KIAA1586: variants seen among roughly 807,000 people sequenced by gnomAD.
KIAA1586 encodes the protein E3 SUMO-protein ligase KIAA1586.
A neutral mutation model predicts 6.1 loss-of-function variants in KIAA1586; 5 were observed. The observed-to-expected ratio is 0.82, with a 90% CI of 0.43 to 1.73. The LOEUF (loss-of-function observed/expected upper bound fraction) is 1.73. Ranked by LOEUF, KIAA1586 falls within the 40% of genes most tolerant of loss-of-function variation. KIAA1586 has a pLI of 0.02. For missense variants in KIAA1586, 899 were observed against 878.2 expected (o/e 1.02, Z -0.30); for synonymous variants, 280 against 301.7 (o/e 0.93, Z 0.75).
chr6:57,054,993 T>C lies in KIAA1586; in HGVS notation c.*130T>C. ...ATGTTGCTGTTTAAAAGGCGTTCTT[T>C]AAGAAGATAATCTTGAAGATTGGTT... is the stretch of plus-strand genomic sequence containing the variant. On this transcript the variant is annotated 3_prime_UTR_variant, in exon 4 of 4. Transcript: ENST00000370733. 5 of 1,047,246 alleles carry C rather than the reference T, an allele frequency of 4.8e-6. No homozygotes were observed. The highest frequency in any genetic ancestry group is 6.7e-6 in the Non-Finnish European group (5 of 751,788). The allele number at this position is 1,047,246 out of a possible 1,614,324, so 64.9% of individuals were successfully genotyped here.
Position 57,054,294 on chromosome 6 carries a change from A to G in KIAA1586, c.1795A>G (p.Asn599Asp). Residue 599 changes from asparagine (N) to aspartate (D), a missense_variant, in exon 4 of 4, where the codon AAT becomes GAT. Physicochemically the swap from Asn to Asp is conservative, Grantham distance 23. Coordinates refer to ENST00000370733, the MANE Select transcript of KIAA1586 (RefSeq NM_020931.4). Reference protein sequence around the residue: ...DIPFNKNNKFNALPRSILLDN... With the variant: ...DIPFNKNNKFDALPRSILLDN... Reference sequence around the variant, plus strand: ...TCCATTTAATAAAAACAATAAATTTAATGCTCTTCCTAGGAGTATATTACT... The same window carrying G: ...TCCATTTAATAAAAACAATAAATTTGATGCTCTTCCTAGGAGTATATTACT... 1 of 1,580,402 alleles carries G rather than the reference A, an allele frequency of 6.3e-7. No homozygotes were observed.
At chr6:57,050,677 C>A (rs559969762) in intron 2 of KIAA1586, 97 bp from the exon 3 acceptor site, 2 of 825,694 alleles carry the variant, frequency 2.4e-6, no homozygotes, top group East Asian at 2.5e-5. Context: ...GAGAATCTTT[C>A]CCAATTCCAA....
At chr6:57,058,364 G>A (rs1391251359), downstream of KIAA1586, among the ~76,000 whole-genome samples, 1 of 152,086 alleles carries the variant, frequency 6.6e-6, no homozygotes, top group African/African-American at 2.4e-5. Context: ...TTGTATAAGT[G>A]CACATGGTAC....
the KIAA1586 span, among the ~76,000 whole-genome samples, chr6:57,066,785 T>G: frequency 2.6e-5 from 4 of 152,182 alleles, no homozygotes; most frequent in African/African-American, 9.7e-5. Flanking sequence ...AGTGGCACCT[T>G]ACCTCCATCA....
Position 57,053,271 on chromosome 6 carries a change from AAACAT to A in KIAA1586, c.777_781del (p.His259GlnfsTer5), listed in dbSNP as rs780462692. 14 of 1,607,044 alleles carry A rather than the reference AAACAT, an allele frequency of 8.7e-6. No individual in the cohort carries two copies. In the South Asian group the frequency reaches 1.6e-4, roughly 18 times the overall value. On this transcript the variant is annotated frameshift_variant, in exon 4 of 4. Coordinates refer to ENST00000370733, the MANE Select transcript of KIAA1586 (RefSeq NM_020931.4). LOFTEE classifies it low-confidence loss of function (END_TRUNC). ...TTTCAATACTGTTTACAGTTTAGTA[AAACAT>A]AACAGACCTTTATCTGATATTGAGG...
In KIAA1586 at chr6:57,053,594, A is replaced by G; in HGVS notation, c.1095A>G (p.Thr365=). The G allele has an allele frequency of 6.2e-7, 1 of 1,606,688 alleles. No individual in the cohort carries two copies. Among genetic ancestry groups the G allele is most frequent in the Non-Finnish European group, 8.5e-7 (1 of 1,174,148 alleles). ...CTATAGCAGAGTGTATTGTCAATAC[A>G]TTATTGACTACTTTAAATGATTGTG... ...VSTIAECIVN[T]LLTTLNDCGF... Residue 365 remains threonine (T), a synonymous_variant, in exon 4 of 4, where the codon ACA becomes ACG. Transcript: ENST00000370733.
chr6:57,057,206 C>G (rs559727839), downstream of KIAA1586, among the ~76,000 whole-genome samples: 1 of 149,056 alleles, frequency 6.7e-6, no homozygotes, highest in Non-Finnish European at 1.5e-5. Context: ...CCAGCCTGGG[C>G]GACAGAGCGA....
chr6:57,058,830 AG>A (rs532033818), downstream of KIAA1586, among the ~76,000 whole-genome samples: 9 of 152,242 alleles, frequency 5.9e-5, no homozygotes, highest in Non-Finnish European at 1.3e-4. Flanking sequence ...GATTAAATTT[AG>A]GGTTGCTTTT....
At chr6:57,049,714 T>C (rs1013189102) in intron 2 of KIAA1586, among the ~76,000 whole-genome samples, 2 of 152,222 alleles carry the variant, frequency 1.3e-5, no homozygotes, top group Admixed American at 6.5e-5. Context: ...TCTTCCCACA[T>C]GCTCTCTTAT....
At chr6:57,060,152 A>G (rs1031053175), downstream of KIAA1586, among the ~76,000 whole-genome samples, 1 of 152,206 alleles carries the variant, frequency 6.6e-6, no homozygotes, top group Non-Finnish European at 1.5e-5. Context: ...AATCTTGTAT[A>G]GCAAATCTAG....
the KIAA1586 span, among the ~76,000 whole-genome samples, chr6:57,061,645 C>T: frequency 1.3e-5 from 2 of 152,076 alleles, no homozygotes; most frequent in South Asian, 4.2e-4. Context: ...CTGCCTCAGC[C>T]TCCCAAAATG....
At chr6:57,061,248 T>A in the KIAA1586 span, among the ~76,000 whole-genome samples, 3 of 152,162 alleles carry the variant, frequency 2.0e-5, no homozygotes, top group African/African-American at 7.2e-5. Flanking sequence ...AGTGCTGGGA[T>A]TACAGGCATG....
At chr6:57,056,542 GTT>G (rs70989753), downstream of KIAA1586, among the ~76,000 whole-genome samples, 2 of 140,906 alleles carry the variant, frequency 1.4e-5, no homozygotes, top group East Asian at 2.1e-4. Context: ...AAGAATTAGG[GTT>G]TTTTTTTTTT....
At chr6:57,065,757 AATACCTGT>A in the KIAA1586 span, among the ~76,000 whole-genome samples, 2 of 152,076 alleles carry the variant, frequency 1.3e-5, no homozygotes, top group Non-Finnish European at 2.9e-5. Context: ...TTTCGAACTG[AATACCTGT>A]ATTCTTCAAT....
chr6:57,051,487 C>G lies in KIAA1586; in HGVS notation c.186+633C>G, dbSNP rs547601440. Among the ~76,000 whole-genome samples the G allele has an allele frequency of 2.8e-4, 43 of 151,688 alleles. 1 individual carries two copies. Among genetic ancestry groups the G allele is most frequent in the African/African-American group, 1.0e-3 (43 of 41,036 alleles). On this transcript the variant is annotated intron_variant, in intron 3 of 3. Transcript: ENST00000370733. The stretch of plus-strand genomic sequence containing the variant: ...TGATAGAACATTACCCCATTGTAAT[C>G]AGTAAAATACAAACTAGAATTTGAT...
At position 57,054,927 on chromosome 6, in the gene KIAA1586, G is replaced by T. The variant is rs1828469332; in HGVS notation, c.*64G>T. ...CTACACATCCTTTATATACATAAAG[G>T]TCTTTTTTTTTTTTGGAAAGCCAGT... On this transcript the variant is annotated 3_prime_UTR_variant, in exon 4 of 4. Coordinates refer to ENST00000370733, the MANE Select transcript of KIAA1586 (RefSeq NM_020931.4). 5.1e-6 allele frequency: 7 copies of T among 1,378,746 alleles called. No individual in the cohort carries two copies. The highest frequency in any genetic ancestry group is 3.1e-5 in the Admixed American group (1 of 32,614). The allele number at this position is 1,378,746 out of a possible 1,614,324, so 85.4% of individuals were successfully genotyped here. A position where few individuals can be genotyped will look rare whatever the true frequency, so the allele number is the denominator to read the frequency against.
downstream of KIAA1586, among the ~76,000 whole-genome samples, chr6:57,056,096 T>A (rs2127913638): frequency 6.6e-6 from 1 of 152,224 alleles, no homozygotes; most frequent in South Asian, 2.1e-4. Context: ...TCACCCAGGC[T>A]GGAGTGCAAT....
At chr6:57,049,936 A>T (rs1828276908) in intron 2 of KIAA1586, among the ~76,000 whole-genome samples, 1 of 152,198 alleles carries the variant, frequency 6.6e-6, no homozygotes, top group Non-Finnish European at 1.5e-5. Context: ...CAGGGTTATC[A>T]AAGAACTTCG....
chr6:57,054,999 G>T lies in KIAA1586; in HGVS notation c.*136G>T. On this transcript the variant is annotated 3_prime_UTR_variant, in exon 4 of 4. Coordinates refer to ENST00000370733, the MANE Select transcript of KIAA1586 (RefSeq NM_020931.4). ...CTGTTTAAAAGGCGTTCTTTAAGAA[G>T]ATAATCTTGAAGATTGGTTTTAGAA... 5 of 1,021,688 alleles carry T rather than the reference G, an allele frequency of 4.9e-6. No individual in the cohort carries two copies. Among genetic ancestry groups the T allele is most frequent in the Non-Finnish European group, 6.8e-6 (5 of 731,754 alleles). 63.3% of individuals were successfully genotyped at this position (1,021,688 alleles called of 1,614,324 possible). A position where few individuals can be genotyped will look rare whatever the true frequency, so the allele number is the denominator to read the frequency against.
Sources: allele counts gnomAD v4.1 joint callset (sites outside exome capture counted in the v4.1 genomes callset), GRCh38; gene constraint gnomAD v4.1.1; transcripts MANE v1.5; gene names NCBI Gene and HGNC (gene_info 2026-07-23, HGNC 2026-07-21).